Variants in MYT1L observed in about 807,000 individuals in gnomAD.
MYT1L encodes the protein myelin transcription factor 1-like protein.
MYT1L carries 12 observed loss-of-function variants against 126.7 expected under a neutral mutation model. The observed-to-expected ratio is 0.09, with a 90% confidence interval of 0.06 to 0.15. The LOEUF is 0.15. MYT1L is among the 10% of genes least tolerant of loss of function. MYT1L has a pLI of 1.00. For synonymous variants in MYT1L, 541 were observed against 604.2 expected (o/e 0.90, Z 1.53); for missense variants, 979 against 1,585.2 (o/e 0.62, Z 6.49).
In MYT1L at chr2:2,085,854, C is replaced by T. The variant is rs115402962; in HGVS notation, c.-303-31731G>A. ...ACACCGCGCTCTCAGGCCCCTCTGTCCCCACTCGGTTTCCTGATCCACAGA... is the reference window on the plus strand; with the variant it reads ...ACACCGCGCTCTCAGGCCCCTCTGTTCCCACTCGGTTTCCTGATCCACAGA... On this transcript the variant is annotated intron_variant, in intron 3 of 24. Transcript: ENST00000647738. Among the ~76,000 whole-genome samples, 1,372 of 152,308 alleles carry T rather than the reference C, an allele frequency of 9.0e-3. 19 individuals are homozygous for T. The highest frequency in any genetic ancestry group is 0.032 in the African/African-American group (1,316 of 41,566).
intron 21 of MYT1L, among the ~76,000 whole-genome samples, chr2:1,829,687 T>G (rs1222455379): frequency 1.0e-3 from 123 of 122,292 alleles, no homozygotes; most frequent in Non-Finnish European, 1.4e-3. Flanking sequence ...GAATTGACCC[T>G]CCCATACACC....
At chr2:2,039,077 C>A (rs960910009) in intron 4 of MYT1L, among the ~76,000 whole-genome samples, 7 of 152,164 alleles carry the variant, frequency 4.6e-5, no homozygotes, top group Non-Finnish European at 1.0e-4. Flanking sequence ...ACAGCACTGG[C>A]ACATGGAAGG....
intron 23 of MYT1L, among the ~76,000 whole-genome samples, chr2:1,799,304 C>T (rs1455273871): frequency 2.0e-5 from 3 of 152,200 alleles, no homozygotes; most frequent in Non-Finnish European, 2.9e-5. Context: ...GGGGAGGCCA[C>T]GCCCGTGCAG....
chr2:2,009,512 T>G (rs1478624189), intron 4 of MYT1L, among the ~76,000 whole-genome samples: 1 of 152,202 alleles, frequency 6.6e-6, no homozygotes, highest in Non-Finnish European at 1.5e-5. Flanking sequence ...GTTATTATTT[T>G]TCTATACAAA....
chr2:1,925,951 G>A (rs554975574), intron 9 of MYT1L, among the ~76,000 whole-genome samples: 29 of 152,274 alleles, frequency 1.9e-4, no homozygotes, highest in Admixed American at 3.9e-4. Flanking sequence ...GCAGTTTGCT[G>A]TCTTATCATT....
chr2:2,148,783 G>A (rs1339001100), intron 3 of MYT1L, among the ~76,000 whole-genome samples: 1 of 152,186 alleles, frequency 6.6e-6, no homozygotes, highest in Non-Finnish European at 1.5e-5. Context: ...AACACTTTTA[G>A]TAAGTTAGTG....
intron 3 of MYT1L, among the ~76,000 whole-genome samples, chr2:2,126,467 G>A (rs543517345): frequency 6.6e-6 from 1 of 152,296 alleles, no homozygotes; most frequent in South Asian, 2.1e-4. Context: ...GGCCCAGAAA[G>A]AAGAGGGTCA....
intron 8 of MYT1L, among the ~76,000 whole-genome samples, chr2:1,957,337 CT>C (rs1558537087): frequency 6.6e-6 from 1 of 152,118 alleles, no homozygotes; most frequent in Admixed American, 6.5e-5. Flanking sequence ...TTCTTTCATG[CT>C]GATTTCTGGG....
At chr2:2,082,756 A>G (rs73911337) in intron 3 of MYT1L, among the ~76,000 whole-genome samples, 4,073 of 152,238 alleles carry the variant, frequency 0.027, 173 homozygotes, top group African/African-American at 0.089. Context: ...CCTCTTTGAA[A>G]TTTCCCAAGT....
chr2:2,264,963 T>G (rs2095085449), intron 2 of MYT1L, among the ~76,000 whole-genome samples: 1 of 152,056 alleles, frequency 6.6e-6, no homozygotes. Context: ...GAGACTTGGG[T>G]TCAAATTCCT....
intron 21 of MYT1L, among the ~76,000 whole-genome samples, chr2:1,835,931 G>A (rs1022089892): frequency 3.3e-5 from 5 of 152,162 alleles, no homozygotes; most frequent in Admixed American, 1.3e-4. Flanking sequence ...CTGGAGCCTG[G>A]GGCCTTTCCC....
chr2:2,176,143 T>A (rs2090743150), intron 2 of MYT1L, among the ~76,000 whole-genome samples: 1 of 152,180 alleles, frequency 6.6e-6, no homozygotes, highest in Non-Finnish European at 1.5e-5. Context: ...TTTCAGTTTT[T>A]CAGAGAAAAG....
At chr2:1,948,092 C>A (rs1046374044) in intron 8 of MYT1L, among the ~76,000 whole-genome samples, 78 of 152,198 alleles carry the variant, frequency 5.1e-4, no homozygotes, top group African/African-American at 1.9e-3. Flanking sequence ...CTAAATGATT[C>A]CCTTCCCGTG....
At chr2:1,878,413 A>G (rs2047179769) in intron 18 of MYT1L, among the ~76,000 whole-genome samples, 1 of 152,184 alleles carries the variant, frequency 6.6e-6, no homozygotes, top group Non-Finnish European at 1.5e-5. Flanking sequence ...AGTTTCAGAA[A>G]TGGAATATTC....
chr2:2,276,974 C>CT (rs35676047), intron 2 of MYT1L, among the ~76,000 whole-genome samples: 91,334 of 150,518 alleles, frequency 0.61, 28,470 homozygotes, highest in East Asian at 0.9. Flanking sequence ...CCGATTGATT[C>CT]TTTTTTTTTC....
intron 3 of MYT1L, among the ~76,000 whole-genome samples, chr2:2,167,685 T>C (rs192422347): frequency 1.3e-5 from 2 of 152,324 alleles, no homozygotes; most frequent in Admixed American, 6.5e-5. Context: ...GAAGACATCC[T>C]TGGAGCCAGC....
At chr2:1,862,824 C>T (rs1451131404) in intron 18 of MYT1L, among the ~76,000 whole-genome samples, 1 of 151,798 alleles carries the variant, frequency 6.6e-6, no homozygotes. Flanking sequence ...TGGGGAAAGA[C>T]GAGAATTGGC....
Position 1,929,439 on chromosome 2 carries a change from G to A in MYT1L, c.506-6176C>T, listed in dbSNP as rs910623632. Among the ~76,000 whole-genome samples the A allele has an allele frequency of 6.6e-6, 1 of 152,170 alleles. No homozygotes were observed. The highest frequency in any genetic ancestry group is 1.5e-5 in the Non-Finnish European group (1 of 68,028). ...GTGAAAGGGGAACATGGAGGGTGAC[G>A]CGGCATTGACAGTGGGATGCACGTG... On this transcript the variant is annotated intron_variant, in intron 9 of 24. Coordinates refer to ENST00000647738, the MANE Select transcript of MYT1L (RefSeq NM_001303052.2). This position sits in a 1 kb window ranked among gnomAD's most constrained non-coding sequence, Gnocchi z 4.7.
intron 3 of MYT1L, among the ~76,000 whole-genome samples, chr2:2,061,227 T>C (rs1358656050): frequency 6.6e-6 from 1 of 152,092 alleles, no homozygotes; most frequent in Non-Finnish European, 1.5e-5. Flanking sequence ...AACTCGTCCA[T>C]GGCCCAGCAT....
Sources: allele counts gnomAD v4.1 joint callset (sites outside exome capture counted in the v4.1 genomes callset), GRCh38; gene constraint gnomAD v4.1.1; non-coding constraint Gnocchi (gnomAD v3.1); transcripts MANE v1.5; gene names NCBI Gene and HGNC (gene_info 2026-07-23, HGNC 2026-07-21).